CARM1: variants seen among roughly 807,000 people sequenced by gnomAD.
CARM1 encodes histone-arginine methyltransferase CARM1.
A neutral mutation model predicts 72.7 loss-of-function variants in CARM1; 14 were observed. The observed-to-expected ratio is 0.19, with a 90% confidence interval of 0.13 to 0.30. The LOEUF (loss-of-function observed/expected upper bound fraction) is 0.30, where lower values mean the gene tolerates loss of function less well. CARM1 is among the 10% of genes least tolerant of loss of function. The pLI, the probability that CARM1 is intolerant of heterozygous loss-of-function variation, is 1.00. For synonymous variants in CARM1, 333 were observed against 345.5 expected (o/e 0.96, Z 0.40); for missense variants, 432 against 833.7 (o/e 0.52, Z 5.93).
chr19:10,919,452 C>A, intron 8 of CARM1, 143 bp from the exon 9 acceptor site: 1 of 643,090 alleles, frequency 1.6e-6, no homozygotes, highest in East Asian at 2.6e-5. Context: ...CGGTCCCCTC[C>A]TCACGGCGTG....
rs373666860 is a variant in CARM1, at chr19:10,916,820, A to G, written c.1020+43A>G. 1 of 1,398,600 alleles carries G rather than the reference A, an allele frequency of 7.2e-7. No homozygotes were observed. The highest frequency in any genetic ancestry group is 1.4e-5 in the African/African-American group (1 of 70,222). The allele number at this position is 1,398,600 out of a possible 1,614,324, so 86.6% of individuals were successfully genotyped here. The stretch of plus-strand genomic sequence containing the variant: ...GGTACTGCTGCAGTGATCACTTGCC[A>G]TTGCTGTGCAGCTGTGCAGCCCTCA... On this transcript the variant is annotated intron_variant, in intron 8 of 15. Transcript: ENST00000327064. This position sits in a 1 kb window ranked among gnomAD's most constrained non-coding sequence, Gnocchi z 4.4.
intron 2 of CARM1, 85 bp downstream of exon 2, chr19:10,905,161 G>A: frequency 6.6e-7 from 1 of 1,516,768 alleles, no homozygotes; most frequent in Non-Finnish European, 9.0e-7. Flanking sequence ...CTGGCTGAGG[G>A]GTGGCCCGTG....
intron 8 of CARM1, among the ~76,000 whole-genome samples, chr19:10,917,257 C>T (rs570315667): frequency 4.4e-4 from 67 of 152,114 alleles, no homozygotes; most frequent in Middle Eastern, 6.8e-3. Context: ...GAGGCCAAGG[C>T]GGGCAGATCA....
chr19:10,916,333 G>A lies in CARM1; in HGVS notation c.848-74G>A. On this transcript the variant is annotated intron_variant, in intron 6 of 15. Coordinates refer to ENST00000327064, the MANE Select transcript of CARM1 (RefSeq NM_199141.2). This position sits in a 1 kb window ranked among gnomAD's most constrained non-coding sequence, Gnocchi z 4.4. The stretch of plus-strand genomic sequence containing the variant: ...AGCACCCAGGGTTGGGGGTCTTGGG[G>A]TCCTTTGGAAGCTCTGCCAGGCAGT... 3.0e-6 allele frequency: 3 copies of A among 1,015,124 alleles called. No individual in the cohort carries two copies. Among genetic ancestry groups the A allele is most frequent in the Non-Finnish European group, 4.6e-6 (3 of 646,878 alleles). 62.9% of individuals were successfully genotyped at this position (1,015,124 alleles called of 1,614,324 possible).
chr19:10,871,968 G>T lies in CARM1; in HGVS notation c.220+46G>T, dbSNP rs2073822141. 4.9e-5 allele frequency: 57 copies of T among 1,166,484 alleles called. 1 individual carries two copies. The South Asian group carries it at 2.3e-3, about 47-fold the overall frequency. The allele number at this position is 1,166,484 out of a possible 1,614,324, so 72.3% of individuals were successfully genotyped here. A position where few individuals can be genotyped will look rare whatever the true frequency, so the allele number is the denominator to read the frequency against. Reference sequence around the variant, plus strand: ...CAGGCGCAGGGCCGGGGCTGCTCACGAGGCCGGCCCGGGGCGGGGGCCGGC... The same window carrying T: ...CAGGCGCAGGGCCGGGGCTGCTCACTAGGCCGGCCCGGGGCGGGGGCCGGC... On this transcript the variant is annotated intron_variant, in intron 1 of 15. Transcript: ENST00000327064. The surrounding 1 kb of genome is among the most constrained non-coding windows in gnomAD (Gnocchi z 5.6).
rs371288459 is a variant in CARM1 at position 10,892,555 on chromosome 19, C to T, written c.221-12396C>T. Among the ~76,000 whole-genome samples the T allele has an allele frequency of 2.6e-4, 40 of 152,258 alleles. 1 individual carries two copies. The highest frequency in any genetic ancestry group is 1.9e-3 in the East Asian group (10 of 5,190). On this transcript the variant is annotated intron_variant, in intron 1 of 15. Coordinates refer to ENST00000327064, the MANE Select transcript of CARM1 (RefSeq NM_199141.2). ...TTACGGCAGGAGAGGGAGGCCAGGC[C>T]GGGTTAGGGTTCTGGGGTTTGGGAT...
chr19:10,921,985 T>A lies in CARM1; in HGVS notation c.*228T>A. The A allele has an allele frequency of 2.1e-6, 1 of 477,018 alleles. No homozygotes were observed. Among genetic ancestry groups the A allele is most frequent in the South Asian group, 3.0e-5 (1 of 33,518 alleles). The allele number at this position is 477,018 out of a possible 1,614,324, so 29.5% of individuals were successfully genotyped here. On this transcript the variant is annotated 3_prime_UTR_variant, in exon 16 of 16. Transcript: ENST00000327064. ...CGCTGCCATATTTTACACAAAATCA[T>A]GTTGTGGGAGCCCTCGTCCCCCCTC...
In CARM1 at chr19:10,921,822, G is replaced by A. The variant is rs1274743962; in HGVS notation, c.*65G>A. On this transcript the variant is annotated 3_prime_UTR_variant, in exon 16 of 16. Transcript: ENST00000327064. ...GATGTCCCTGCCCGCCGCCCCCGCC[G>A]GGCGGCTTTCCCCCTTGTACTGGAG... is the stretch of plus-strand genomic sequence containing the variant. 3.1e-5 allele frequency: 46 copies of A among 1,505,148 alleles called. No individual in the cohort carries two copies. Among genetic ancestry groups the A allele is most frequent in the South Asian group, 1.3e-4 (10 of 77,428 alleles). 93.2% of individuals were successfully genotyped at this position (1,505,148 alleles called of 1,614,324 possible).
intron 5 of CARM1, among the ~76,000 whole-genome samples, chr19:10,913,485 C>T (rs2145234973): frequency 6.6e-6 from 1 of 151,840 alleles, no homozygotes; most frequent in Admixed American, 6.5e-5. Flanking sequence ...TTGCAGTGAG[C>T]CGAGATGGCG....
At chr19:10,887,506 G>T (rs898076139) in intron 1 of CARM1, among the ~76,000 whole-genome samples, 1 of 152,216 alleles carries the variant, frequency 6.6e-6, no homozygotes, top group South Asian at 2.1e-4. Context: ...CTCCTGGAGC[G>T]CCCTGGGACC....
rs1441426189 is a variant in CARM1 at position 10,915,923 on chromosome 19, G to A, written c.848-484G>A. On this transcript the variant is annotated intron_variant, in intron 6 of 15. Coordinates refer to ENST00000327064, the MANE Select transcript of CARM1 (RefSeq NM_199141.2). The surrounding 1 kb of genome is among the most constrained non-coding windows in gnomAD (Gnocchi z 4.6). ...AGAACCTAGGCAGTCCCTGTGGTGT[G>A]GATTTGGCTTCCCCCACCTGGCTCT... is the stretch of plus-strand genomic sequence containing the variant. Among the ~76,000 whole-genome samples, 3 of 152,198 alleles carry A rather than the reference G, an allele frequency of 2.0e-5. No individual in the cohort carries two copies. Among genetic ancestry groups the A allele is most frequent in the African/African-American group, 7.2e-5 (3 of 41,450 alleles).
chr19:10,903,216 C>G (rs2074079027), intron 1 of CARM1, among the ~76,000 whole-genome samples: 1 of 152,180 alleles, frequency 6.6e-6, no homozygotes, highest in South Asian at 2.1e-4. Flanking sequence ...TTCCATTGAT[C>G]TGTGTCTCCT....
chr19:10,892,783 AGTGCTAT>A (rs913469811), intron 1 of CARM1, among the ~76,000 whole-genome samples: 50 of 152,280 alleles, frequency 3.3e-4, no homozygotes, highest in African/African-American at 1.2e-3. Flanking sequence ...CCCAGGCTGG[AGTGCTAT>A]GGCACGATTT....
chr19:10,902,854 C>T (rs2074076608), intron 1 of CARM1, among the ~76,000 whole-genome samples: 1 of 151,996 alleles, frequency 6.6e-6, no homozygotes, highest in African/African-American at 2.4e-5. Context: ...TAGTAATCTG[C>T]CTGACTCCCA....
intron 3 of CARM1, chr19:10,908,498 A>G (rs1236112395): frequency 8.6e-6 from 2 of 231,240 alleles, no homozygotes; most frequent in Admixed American, 5.1e-5. Flanking sequence ...AAGCACTTGG[A>G]CCCTCCCAAC....
intron 5 of CARM1, among the ~76,000 whole-genome samples, chr19:10,913,556 GT>G (rs80280799): frequency 5.2e-4 from 75 of 145,016 alleles, no homozygotes; most frequent in African/African-American, 1.2e-3. Flanking sequence ...AAAAAAAATA[GT>G]TTTTTTTTTT....
intron 1 of CARM1, among the ~76,000 whole-genome samples, chr19:10,893,239 G>C (rs2074000749): frequency 6.6e-6 from 1 of 151,826 alleles, no homozygotes; most frequent in Admixed American, 6.6e-5. Flanking sequence ...GTTTCACCAT[G>C]TTGGCCAGGC....
intron 1 of CARM1, among the ~76,000 whole-genome samples, chr19:10,885,503 C>A (rs2073934550): frequency 6.6e-6 from 1 of 152,158 alleles, no homozygotes; most frequent in Non-Finnish European, 1.5e-5. Context: ...GGGTGCTACT[C>A]CTGGCGAGGA....
intron 1 of CARM1, among the ~76,000 whole-genome samples, chr19:10,885,577 C>T (rs908623099): frequency 2.6e-5 from 4 of 152,188 alleles, no homozygotes; most frequent in Non-Finnish European, 5.9e-5. Flanking sequence ...TTAACCATCC[C>T]GGGCAGGGGG....
Sources: allele counts gnomAD v4.1 joint callset (sites outside exome capture counted in the v4.1 genomes callset), GRCh38; gene constraint gnomAD v4.1.1; non-coding constraint Gnocchi (gnomAD v3.1); transcripts MANE v1.5; gene names NCBI Gene and HGNC (gene_info 2026-07-23, HGNC 2026-07-21).